Variants in SCUBE1 observed in about 807,000 individuals in gnomAD.
The protein encoded by SCUBE1 is signal peptide, CUB and EGF-like domain-containing protein 1.
A neutral mutation model predicts 124.4 loss-of-function variants in SCUBE1; 59 were observed. The ratio of observed to expected loss-of-function variants is 0.47; its 90% CI spans 0.38 to 0.59. The LOEUF (loss-of-function observed/expected upper bound fraction) is 0.59, where lower values mean the gene tolerates loss of function less well. Ranked by LOEUF, SCUBE1 falls within the 20% of genes least tolerant of loss-of-function variation. The pLI is 0.00. For missense variants in SCUBE1, 1,150 were observed against 1,371.2 expected, an observed-to-expected ratio of 0.84 and a Z score of 2.55; for synonymous variants, 545 against 550.9, an observed-to-expected ratio of 0.99 and a Z score of 0.15.
intron 4 of SCUBE1, chr22:43,283,843 G>A (rs1324509944): frequency 6.6e-6 from 1 of 152,210 alleles, no homozygotes; most frequent in Middle Eastern, 3.2e-3. Context: ...CTATTGTTTT[G>A]ACTCTAGTTA....
intron 3 of SCUBE1, among the ~76,000 whole-genome samples, chr22:43,292,520 G>C (rs991386073): frequency 6.6e-6 from 1 of 150,376 alleles, no homozygotes; most frequent in African/African-American, 2.5e-5. Context: ...AAGGCGGCGT[G>C]AGCTACTGGC....
chr22:43,266,492 C>T (rs563768801), intron 4 of SCUBE1, among the ~76,000 whole-genome samples: 1 of 152,336 alleles, frequency 6.6e-6, no homozygotes, highest in Admixed American at 6.5e-5. Context: ...GGCTCCGTGG[C>T]TGGCGGAACC....
intron 5 of SCUBE1, among the ~76,000 whole-genome samples, chr22:43,261,772 T>A (rs12171164): frequency 0.11 from 17,122 of 152,306 alleles, 1,024 homozygotes; most frequent in Middle Eastern, 0.15. Context: ...ATGAGGCACT[T>A]GTCTCTTGCC....
chr22:43,284,091 G>A (rs576719716), intron 4 of SCUBE1, among the ~76,000 whole-genome samples: 3 of 152,218 alleles, frequency 2.0e-5, no homozygotes, highest in Non-Finnish European at 4.4e-5. Context: ...GGAGACACAC[G>A]GCCGTGGTCT....
At chr22:43,324,303 A>G (rs1926652326) in intron 2 of SCUBE1, among the ~76,000 whole-genome samples, 1 of 152,196 alleles carries the variant, frequency 6.6e-6, no homozygotes, top group Non-Finnish European at 1.5e-5. Context: ...GACTCCCCAT[A>G]ACGTAGGCCA....
chr22:43,215,013 G>A (rs1569497104), intron 15 of SCUBE1, among the ~76,000 whole-genome samples: 1 of 152,198 alleles, frequency 6.6e-6, no homozygotes, highest in African/African-American at 2.4e-5. Flanking sequence ...GTGTGTGCAC[G>A]TGTATACACA....
chr22:43,339,117 G>C lies in SCUBE1; in HGVS notation c.207C>G (p.Gly69=), dbSNP rs1227101767. The change falls in exon 2 of 22, where the codon GGC becomes GGG. Residue 69 remains glycine, a synonymous_variant. Transcript: ENST00000360835. ...GGCTGGACTCACCTTCACACTGCTT[G>C]CCTTCCCCCTTGTAGCCTGGCTTGC... ...CLCKPGYKGE[G]KQCEDIDECE... The C allele has an allele frequency of 6.2e-7, 1 of 1,613,780 alleles. No homozygotes were observed.
chr22:43,328,865 G>A (rs561745468), intron 2 of SCUBE1, among the ~76,000 whole-genome samples: 2 of 152,318 alleles, frequency 1.3e-5, no homozygotes, highest in East Asian at 3.9e-4. Flanking sequence ...AGGCAGAAAG[G>A]TCTTCATTTC....
chr22:43,227,605 C>CG, intron 9 of SCUBE1, 109 bp from the exon 10 acceptor site: 1 of 1,404,668 alleles, frequency 7.1e-7, no homozygotes, highest in Non-Finnish European at 9.7e-7. Flanking sequence ...CCCACCGAGT[C>CG]GGACAGCATC....
chr22:43,290,069 C>T (rs892255779), intron 4 of SCUBE1, among the ~76,000 whole-genome samples: 2 of 152,192 alleles, frequency 1.3e-5, no homozygotes, highest in Non-Finnish European at 2.9e-5. Flanking sequence ...TCACGACAGC[C>T]AGGCCCTGGG....
chr22:43,309,253 T>C (rs1358886368), intron 3 of SCUBE1, among the ~76,000 whole-genome samples: 2 of 152,244 alleles, frequency 1.3e-5, no homozygotes, highest in Non-Finnish European at 2.9e-5. Flanking sequence ...CTATGGTATG[T>C]GTTTTACAAA....
At chr22:43,317,937 A>G (rs1006071380) in intron 3 of SCUBE1, among the ~76,000 whole-genome samples, 6 of 152,346 alleles carry the variant, frequency 3.9e-5, no homozygotes, top group East Asian at 1.9e-4. Flanking sequence ...AGCTGAGACA[A>G]TGTGAAGACA....
chr22:43,239,003 C>T (rs1377111215), intron 6 of SCUBE1, 49 bp from the exon 7 acceptor site: 1 of 1,451,390 alleles, frequency 6.9e-7, no homozygotes, highest in Non-Finnish European at 9.6e-7. Context: ...ACAGAAGCCA[C>T]TGGCTTTCCC....
At chr22:43,271,962 C>A (rs2146722685) in intron 4 of SCUBE1, among the ~76,000 whole-genome samples, 1 of 152,258 alleles carries the variant, frequency 6.6e-6, no homozygotes, top group East Asian at 1.9e-4. Context: ...ACTTGCCGCC[C>A]CAGGTCTTCT....
At position 43,198,174 on chromosome 22, in the gene SCUBE1, C is replaced by T; in HGVS notation, c.*5823G>A. 1 of 251,784 alleles carries T rather than the reference C, an allele frequency of 4.0e-6. No homozygotes were observed. Among genetic ancestry groups the T allele is most frequent in the South Asian group, 4.7e-5 (1 of 21,416 alleles). The allele number at this position is 251,784 out of a possible 1,614,324, so 15.6% of individuals were successfully genotyped here. A position where few individuals can be genotyped will look rare whatever the true frequency, so the allele number is the denominator to read the frequency against. ...AATGTGTGGATATTAGAGGGTTGAGCCCAGAGCCTGGCACCCAGTGGGCAC... is the reference window on the plus strand; with the variant it reads ...AATGTGTGGATATTAGAGGGTTGAGTCCAGAGCCTGGCACCCAGTGGGCAC... On this transcript the variant is annotated 3_prime_UTR_variant, in exon 22 of 22. Transcript: ENST00000360835.
intron 8 of SCUBE1, among the ~76,000 whole-genome samples, chr22:43,231,132 C>T (rs1039037875): frequency 6.6e-6 from 1 of 152,218 alleles, no homozygotes; most frequent in African/African-American, 2.4e-5. Flanking sequence ...TCCCCTAAAC[C>T]TCCTCAGGCC....
chr22:43,231,385 A>C (rs1015385007), intron 8 of SCUBE1, among the ~76,000 whole-genome samples: 1 of 152,134 alleles, frequency 6.6e-6, no homozygotes, highest in Non-Finnish European at 1.5e-5. Context: ...ATTGTTTGAG[A>C]GCGCCTGCCT....
intron 10 of SCUBE1, among the ~76,000 whole-genome samples, chr22:43,226,409 A>G (rs916648578): frequency 1.7e-4 from 25 of 148,410 alleles, no homozygotes; most frequent in Non-Finnish European, 3.0e-4. Context: ...GCAAGGGAGG[A>G]GTGAGGAGTG....
intron 19 of SCUBE1, 79 bp downstream of exon 19, chr22:43,209,964 C>G: frequency 6.9e-7 from 1 of 1,452,846 alleles, no homozygotes; most frequent in East Asian, 2.5e-5. Flanking sequence ...AGGCAGCGAT[C>G]CCGCCTGGCA....
Sources: allele counts gnomAD v4.1 joint callset (sites outside exome capture counted in the v4.1 genomes callset), GRCh38; gene constraint gnomAD v4.1.1; transcripts MANE v1.5; gene names NCBI Gene and HGNC (gene_info 2026-07-23, HGNC 2026-07-21).